Variants in PARP8 observed in about 807,000 individuals in gnomAD.
PARP8 encodes the protein protein mono-ADP-ribosyltransferase PARP8.
In PARP8, 51 loss-of-function variants were observed where a neutral mutation model predicts 124.1. That is an observed-to-expected ratio of 0.41 (90% CI 0.33 to 0.52). The LOEUF (loss-of-function observed/expected upper bound fraction) is 0.52. Ranked by LOEUF, PARP8 falls within the 20% of genes least tolerant of loss-of-function variation. The pLI is 0.21. For synonymous variants in PARP8, 391 were observed against 361.5 expected (o/e 1.08, Z -0.93); for missense variants, 860 against 1,018.9 (o/e 0.84, Z 2.12).
chr5:50,700,186 T>C (rs544936344), intron 2 of PARP8, among the ~76,000 whole-genome samples: 111 of 152,296 alleles, frequency 7.3e-4, no homozygotes, highest in Non-Finnish European at 1.5e-3. Context: ...AATCAGCTTC[T>C]GGAAAAAGTA....
chr5:50,687,990 T>C (rs145343341), intron 2 of PARP8, among the ~76,000 whole-genome samples: 3 of 152,308 alleles, frequency 2.0e-5, no homozygotes, highest in Non-Finnish European at 4.4e-5. Context: ...TAGCTGGGAC[T>C]ACAGATGTGT....
At chr5:50,706,915 G>A (rs1340559496) in intron 2 of PARP8, among the ~76,000 whole-genome samples, 1 of 151,988 alleles carries the variant, frequency 6.6e-6, no homozygotes, top group African/African-American at 2.4e-5. Flanking sequence ...TATGATGCTA[G>A]CATACAGTGA....
chr5:50,826,282 A>T (rs576130291), intron 18 of PARP8, among the ~76,000 whole-genome samples: 5 of 152,184 alleles, frequency 3.3e-5, no homozygotes, highest in African/African-American at 1.2e-4. Flanking sequence ...TGGATTTTGT[A>T]TGTAAACCAT....
At chr5:50,794,462 TTAGATGCATTCCATCAAAAACA>T (rs1742300927) in intron 11 of PARP8, 130 bp downstream of exon 11, 2 of 989,894 alleles carry the variant, frequency 2.0e-6, no homozygotes, top group Non-Finnish European at 1.5e-6. Flanking sequence ...AAAGACTGAG[TTAGATGCATTCCATCAAAAACA>T]TATTCATTTC....
chr5:50,819,609 T>A (rs1745531746), intron 15 of PARP8, among the ~76,000 whole-genome samples: 1 of 151,760 alleles, frequency 6.6e-6, no homozygotes, highest in South Asian at 2.1e-4. Flanking sequence ...TCCAGCTAAT[T>A]TTTGTATTTT....
intron 2 of PARP8, among the ~76,000 whole-genome samples, chr5:50,726,497 T>C (rs1300374452): frequency 1.3e-5 from 2 of 152,172 alleles, no homozygotes; most frequent in Non-Finnish European, 2.9e-5. Flanking sequence ...ATGATTAGCA[T>C]CACTAACCAC....
At chr5:50,780,087 A>G (rs1740498534) in intron 9 of PARP8, among the ~76,000 whole-genome samples, 1 of 152,148 alleles carries the variant, frequency 6.6e-6, no homozygotes, top group Non-Finnish European at 1.5e-5. Context: ...TCTGTTTTCT[A>G]TGTGCATATG....
intron 3 of PARP8, among the ~76,000 whole-genome samples, chr5:50,754,465 A>T (rs958845010): frequency 2.6e-5 from 4 of 151,910 alleles, no homozygotes; most frequent in African/African-American, 9.7e-5. Flanking sequence ...TAGTTTGCTG[A>T]GAATGATGGT....
chr5:50,666,915 T>TCCTCCTCCC lies in PARP8; in HGVS notation c.-176_-175insTCCCCCTCC, dbSNP rs1554038926. On this transcript the variant is annotated 5_prime_UTR_variant, in exon 1 of 26. Coordinates refer to ENST00000281631, the MANE Select transcript of PARP8 (RefSeq NM_024615.4). Reference sequence around the variant, plus strand: ...AAAGCCGACCTCCCCCTCCTCCTCCTCCTCCCCCTCCTCCTCCTCCTCTTC... The same window carrying TCCTCCTCCC: ...AAAGCCGACCTCCCCCTCCTCCTCCTCCTCCTCCCCCTCCCCCTCCTCCTCCTCCTCTTC... 7.8e-7 allele frequency: 1 copy of TCCTCCTCCC among 1,281,966 alleles called. No homozygotes were observed. Among genetic ancestry groups the TCCTCCTCCC allele is most frequent in the Non-Finnish European group, 1.0e-6 (1 of 1,001,816 alleles). 79.4% of individuals were successfully genotyped at this position (1,281,966 alleles called of 1,614,324 possible). A position where few individuals can be genotyped will look rare whatever the true frequency, so the allele number is the denominator to read the frequency against.
At chr5:50,782,127 G>A (rs925922375) in intron 9 of PARP8, among the ~76,000 whole-genome samples, 1 of 152,172 alleles carries the variant, frequency 6.6e-6, no homozygotes, top group Non-Finnish European at 1.5e-5. Flanking sequence ...TATTTTGAGA[G>A]GCACCAGCAG....
At chr5:50,779,011 T>A (rs1223163542) in intron 9 of PARP8, among the ~76,000 whole-genome samples, 1 of 152,212 alleles carries the variant, frequency 6.6e-6, no homozygotes, top group Non-Finnish European at 1.5e-5. Context: ...TAATGCAATA[T>A]AAATTCTGTC....
chr5:50,769,193 C>G (rs1273238210), intron 7 of PARP8, among the ~76,000 whole-genome samples: 2 of 151,928 alleles, frequency 1.3e-5, no homozygotes, highest in African/African-American at 4.8e-5. Flanking sequence ...TATGCACGTT[C>G]TGATTATTCC....
At position 50,845,554 on chromosome 5, in the gene PARP8, A is replaced by G. The variant is rs1009575951; in HGVS notation, c.*3486A>G. ...TGTCAGGAACAAATAAAATTTTGCA[A>G]ATAGAAGTCATCAAATAATTCAACA... is the stretch of plus-strand genomic sequence containing the variant. On this transcript the variant is annotated 3_prime_UTR_variant, in exon 26 of 26. Transcript: ENST00000281631. 6.6e-6 allele frequency: 1 copy of G among 151,804 alleles called. No homozygotes were observed. Among genetic ancestry groups the G allele is most frequent in the African/African-American group, 2.4e-5 (1 of 41,402 alleles). The allele number at this position is 151,804 out of a possible 1,614,324, so 9.4% of individuals were successfully genotyped here. A position where few individuals can be genotyped will look rare whatever the true frequency, so the allele number is the denominator to read the frequency against.
At chr5:50,717,243 A>G (rs564397850) in intron 2 of PARP8, among the ~76,000 whole-genome samples, 1 of 151,976 alleles carries the variant, frequency 6.6e-6, no homozygotes, top group Non-Finnish European at 1.5e-5. Context: ...GGGAAAAATG[A>G]TGGTGGCTTG....
intron 2 of PARP8, among the ~76,000 whole-genome samples, chr5:50,735,475 G>T (rs73101043): frequency 0.024 from 3,649 of 152,184 alleles, 144 homozygotes; most frequent in African/African-American, 0.083. Context: ...TATTATATAT[G>T]CTGAAAATCT....
intron 2 of PARP8, among the ~76,000 whole-genome samples, chr5:50,733,387 A>T (rs1277598537): frequency 6.6e-6 from 1 of 152,176 alleles, no homozygotes; most frequent in Non-Finnish European, 1.5e-5. Flanking sequence ...TAAAAACTGA[A>T]AATTCAAACT....
At chr5:50,760,886 C>G (rs1215554328) in intron 5 of PARP8, among the ~76,000 whole-genome samples, 1 of 152,130 alleles carries the variant, frequency 6.6e-6, no homozygotes, top group Non-Finnish European at 1.5e-5. Flanking sequence ...TGCAATAGGA[C>G]CAGCAGTTCT....
intron 22 of PARP8, 50 bp downstream of exon 22, chr5:50,830,011 T>C (rs780071848): frequency 6.3e-7 from 1 of 1,586,480 alleles, no homozygotes; most frequent in Non-Finnish European, 8.6e-7. Flanking sequence ...GTTTTAATTT[T>C]CTTATTGTTT....
intron 2 of PARP8, among the ~76,000 whole-genome samples, chr5:50,748,847 T>G (rs1247207496): frequency 6.6e-6 from 1 of 152,242 alleles, no homozygotes; most frequent in Non-Finnish European, 1.5e-5. Context: ...TTTCTGAGCT[T>G]CTTTATTCAA....
Sources: allele counts gnomAD v4.1 joint callset (sites outside exome capture counted in the v4.1 genomes callset), GRCh38; gene constraint gnomAD v4.1.1; transcripts MANE v1.5; gene names NCBI Gene and HGNC (gene_info 2026-07-23, HGNC 2026-07-21).